Variants in ADAMTS20 observed in about 807,000 individuals in gnomAD.
The protein encoded by ADAMTS20 is A disintegrin and metalloproteinase with thrombospondin motifs 20.
ADAMTS20 carries 225 observed loss-of-function variants against 260.1 expected under a neutral mutation model. That is an observed-to-expected ratio of 0.87 (90% CI 0.78 to 0.97). ADAMTS20 has a LOEUF of 0.97. Among genes scored for constraint, ADAMTS20 ranks in the 50% least tolerant of loss-of-function variants. The pLI is 0.00. For synonymous variants in ADAMTS20, 802 were observed against 769.5 expected (o/e 1.04, Z -0.70); for missense variants, 2,400 against 2,337.7 (o/e 1.03, Z -0.55).
intron 7 of ADAMTS20, among the ~76,000 whole-genome samples, chr12:43,469,909 C>T (rs773929754): frequency 1.3e-5 from 2 of 152,146 alleles, no homozygotes; most frequent in African/African-American, 4.8e-5. Flanking sequence ...TTAGCCAATA[C>T]TTTTTAATAA....
rs1943512953 is a variant in ADAMTS20 at position 43,551,280 on chromosome 12, C to T, written c.92-10G>A. 5.6e-6 allele frequency: 9 copies of T among 1,607,102 alleles called. No individual in the cohort carries two copies. Among genetic ancestry groups the T allele is most frequent in the Non-Finnish European group, 7.7e-6 (9 of 1,175,260 alleles). ...GTCCTCACCAGGGCTTCTGCAACAACAGCGACAGGACCAGTGAGCTCCCAC... is the reference window on the plus strand; with the variant it reads ...GTCCTCACCAGGGCTTCTGCAACAATAGCGACAGGACCAGTGAGCTCCCAC... On this transcript the variant is annotated splice_polypyrimidine_tract_variant and intron_variant, in intron 1 of 38. Transcript: ENST00000389420. This position sits in a 1 kb window ranked among gnomAD's most constrained non-coding sequence, Gnocchi z 4.6.
chr12:43,368,490 G>A (rs914857983), intron 37 of ADAMTS20, among the ~76,000 whole-genome samples: 11 of 151,954 alleles, frequency 7.2e-5, no homozygotes, highest in Admixed American at 2.0e-4. Flanking sequence ...TAATATAAGC[G>A]TAACTTAGAT....
At chr12:43,480,194 T>C (rs939236667) in intron 7 of ADAMTS20, among the ~76,000 whole-genome samples, 1 of 152,170 alleles carries the variant, frequency 6.6e-6, no homozygotes, top group Non-Finnish European at 1.5e-5. Flanking sequence ...CTTAACTCAT[T>C]TTATAAGGTG....
At chr12:43,373,583 C>G (rs1940151640) in intron 36 of ADAMTS20, among the ~76,000 whole-genome samples, 1 of 151,740 alleles carries the variant, frequency 6.6e-6, no homozygotes, top group African/African-American at 2.4e-5. Flanking sequence ...CAAAGCTGCC[C>G]TGGGCCACAT....
intron 28 of ADAMTS20, among the ~76,000 whole-genome samples, chr12:43,404,790 T>C (rs911759930): frequency 6.6e-6 from 1 of 152,198 alleles, no homozygotes; most frequent in African/African-American, 2.4e-5. Flanking sequence ...TTATGTTAAA[T>C]ATTTTTAGTG....
chr12:43,373,357 C>G (rs1029575077), intron 36 of ADAMTS20, among the ~76,000 whole-genome samples: 2 of 152,140 alleles, frequency 1.3e-5, no homozygotes, highest in African/African-American at 4.8e-5. Context: ...ATACTTATAA[C>G]CATATACATC....
chr12:43,457,940 C>T (rs952147441), intron 11 of ADAMTS20, among the ~76,000 whole-genome samples: 7 of 152,174 alleles, frequency 4.6e-5, no homozygotes, highest in African/African-American at 9.7e-5. Flanking sequence ...TCACAATGGC[C>T]TGTGTGAACC....
chr12:43,509,333 TTGTTATCAATATAAATATTGATAA>T (rs1228680445), intron 3 of ADAMTS20, among the ~76,000 whole-genome samples: 1 of 152,048 alleles, frequency 6.6e-6, no homozygotes, highest in African/African-American at 2.4e-5. Context: ...GTTATTGATA[TTGTTATCAATATAAATATTGATAA>T]TGTTATCAAT....
intron 5 of ADAMTS20, 100 bp from the exon 6 acceptor site, chr12:43,492,729 A>C: frequency 1.1e-4 from 146 of 1,352,612 alleles, no homozygotes; most frequent in Non-Finnish European, 1.4e-4. Flanking sequence ...TAGCATTCTC[A>C]CAGGTGAATG....
Position 43,502,165 on chromosome 12 carries a change from G to A in ADAMTS20, c.854C>T (p.Thr285Ile), listed in dbSNP as rs540412377. Residue 285 changes from threonine (T) to isoleucine (I), a missense_variant, in exon 4 of 39, where the codon ACT becomes ATT. Thr to Ile is a moderately conservative substitution (Grantham distance 89). Coordinates refer to ENST00000389420, the MANE Select transcript of ADAMTS20 (RefSeq NM_025003.5). ...HGSNLQNYILTLMSIVATIYK... is the reference protein window; with the variant it reads ...HGSNLQNYILILMSIVATIYK... The stretch of plus-strand genomic sequence containing the variant: ...AAGTTTACTTACAATTGACATTAGA[G>A]TCAGTATATAGTTTTGCAAATTCGA... 1 of 1,579,744 alleles carries A rather than the reference G, an allele frequency of 6.3e-7. No homozygotes were observed. The highest frequency in any genetic ancestry group is 1.2e-5 in the South Asian group (1 of 83,310).
At position 43,377,417 on chromosome 12, in the gene ADAMTS20, C is replaced by T; in HGVS notation, c.4943G>A (p.Cys1648Tyr). 6.2e-7 allele frequency: 1 copy of T among 1,613,390 alleles called. No homozygotes were observed. The highest frequency in any genetic ancestry group is 8.5e-7 in the Non-Finnish European group (1 of 1,179,600). Residue 1648 changes from cysteine (C) to tyrosine (Y), a missense_variant, in exon 32 of 39, where the codon TGC (cysteine) becomes TAC (tyrosine). Cys to Tyr is a radical substitution (Grantham distance 194). Coordinates refer to ENST00000389420, the MANE Select transcript of ADAMTS20 (RefSeq NM_025003.5). Reference sequence around the variant, plus strand: ...GGCCAAATGCAAACAGCTGTTAATGCATTGGTAAACCTGAGAGGAAGGCAC... The same window carrying T: ...GGCCAAATGCAAACAGCTGTTAATGTATTGGTAAACCTGAGAGGAAGGCAC... ...PVVPSSQVYQCINSCLHLATW... is the reference protein window; with the variant it reads ...PVVPSSQVYQYINSCLHLATW...
intron 31 of ADAMTS20, among the ~76,000 whole-genome samples, chr12:43,381,206 T>A (rs988432578): frequency 1.3e-5 from 2 of 152,052 alleles, no homozygotes; most frequent in Non-Finnish European, 2.9e-5. Flanking sequence ...CATACAAAAA[T>A]TAACTCAAAA....
intron 14 of ADAMTS20, among the ~76,000 whole-genome samples, chr12:43,448,104 A>G (rs1245871012): frequency 6.6e-6 from 1 of 152,330 alleles, no homozygotes; most frequent in South Asian, 2.1e-4. Context: ...CTATAAAACT[A>G]CCATTAATAT....
Position 43,439,990 on chromosome 12 carries a change from T to A in ADAMTS20, c.2370A>T (p.Gln790His), listed in dbSNP as rs1250000559. 6 of 1,589,926 alleles carry A rather than the reference T, an allele frequency of 3.8e-6. No individual in the cohort carries two copies. In the East Asian group the frequency reaches 1.1e-4, roughly 30 times the overall value. Residue 790 changes from glutamine to histidine, a missense_variant, in exon 17 of 39, where the codon CAA becomes CAT. Transcript: ENST00000389420. ...LSTSKKEINV[Q>H]GTRTVIEYSG... ...TGTATTCAATAACAGTTCTTGTTCC[T>A]TGCACATTGATTTCTTTTTTTGACG...
intron 3 of ADAMTS20, among the ~76,000 whole-genome samples, chr12:43,504,737 A>G (rs1828703461): frequency 6.6e-6 from 1 of 152,226 alleles, no homozygotes; most frequent in South Asian, 2.1e-4. Flanking sequence ...CTCTAGTTGA[A>G]AGAGGCAAAA....
At chr12:43,482,632 G>C (rs981540697) in intron 7 of ADAMTS20, among the ~76,000 whole-genome samples, 1 of 152,130 alleles carries the variant, frequency 6.6e-6, no homozygotes, top group East Asian at 1.9e-4. Flanking sequence ...CCTACATGTG[G>C]AGAGCCAGAG....
chr12:43,449,579 C>T (rs74945952), intron 14 of ADAMTS20, among the ~76,000 whole-genome samples: 1 of 151,734 alleles, frequency 6.6e-6, no homozygotes, highest in African/African-American at 2.4e-5. Flanking sequence ...ACAACAAAAC[C>T]CTGTTACACG....
chr12:43,485,598 G>A (rs959634330), intron 7 of ADAMTS20, among the ~76,000 whole-genome samples: 1 of 151,874 alleles, frequency 6.6e-6, no homozygotes, highest in African/African-American at 2.4e-5. Flanking sequence ...AGAAATAAAG[G>A]GCATCCAAAT....
chr12:43,402,081 T>C (rs962594069), intron 28 of ADAMTS20, among the ~76,000 whole-genome samples: 2 of 151,992 alleles, frequency 1.3e-5, no homozygotes, highest in African/African-American at 4.8e-5. Flanking sequence ...AGTCCTACCC[T>C]GTTTTTAGCA....
Sources: allele counts gnomAD v4.1 joint callset (sites outside exome capture counted in the v4.1 genomes callset), GRCh38; gene constraint gnomAD v4.1.1; non-coding constraint Gnocchi (gnomAD v3.1); transcripts MANE v1.5; gene names NCBI Gene and HGNC (gene_info 2026-07-23, HGNC 2026-07-21).